Variants in TIAM1 observed in about 807,000 individuals in gnomAD.
The protein encoded by TIAM1 is rho guanine nucleotide exchange factor TIAM1.
A neutral mutation model predicts 163.5 loss-of-function variants in TIAM1; 65 were observed. That is an observed-to-expected ratio of 0.40 (90% CI 0.33 to 0.49). The LOEUF (loss-of-function observed/expected upper bound fraction) is 0.49. TIAM1 is among the 20% of genes least tolerant of loss of function. The pLI is 0.77. For synonymous variants in TIAM1, 833 were observed against 810.1 expected (o/e 1.03, Z -0.48); for missense variants, 1,789 against 2,044.7 (o/e 0.87, Z 2.41).
At chr21:31,491,002 G>C (rs536799836) in intron 1 of TIAM1, among the ~76,000 whole-genome samples, 1 of 152,220 alleles carries the variant, frequency 6.6e-6, no homozygotes, top group Non-Finnish European at 1.5e-5. Flanking sequence ...GTGCGTGCCT[G>C]TAATCCCAAC....
Position 31,252,082 on chromosome 21 carries a change from G to A in TIAM1, c.1071C>T (p.Tyr357=), listed in dbSNP as rs774197600. ...SRRSNATNSS[Y]SPTTGRAFVG... ...CAAAGGCCCGGCCTGTGGTGGGTGA[G>A]TAGCTGGAGTTGGTGGCATTAGATC... Residue 357 remains tyrosine, a synonymous_variant, in exon 5 of 28, where the codon TAC becomes TAT. Transcript: ENST00000541036. The A allele has an allele frequency of 9.3e-6, 15 of 1,613,916 alleles. No homozygotes were observed. The highest frequency in any genetic ancestry group is 1.3e-5 in the African/African-American group (1 of 74,952).
chr21:31,327,309 T>C (rs1301951178), intron 2 of TIAM1, among the ~76,000 whole-genome samples: 2 of 152,062 alleles, frequency 1.3e-5, no homozygotes, highest in Admixed American at 1.3e-4. Flanking sequence ...AGTACCCTTA[T>C]AGGATAAAAA....
intron 2 of TIAM1, among the ~76,000 whole-genome samples, chr21:31,385,758 C>T (rs576384014): frequency 4.8e-5 from 7 of 146,136 alleles, no homozygotes; most frequent in South Asian, 2.2e-4. Context: ...CTGTTTAAAA[C>T]GTAAATCTTA....
chr21:31,348,105 C>A (rs538633834), upstream of TIAM1, among the ~76,000 whole-genome samples: 653 of 150,106 alleles, frequency 4.4e-3, 3 homozygotes, highest in Middle Eastern at 0.011. Flanking sequence ...CACTCTCTCT[C>A]TCTATATATT....
intron 1 of TIAM1, among the ~76,000 whole-genome samples, chr21:31,497,311 T>A (rs1312992603): frequency 6.6e-6 from 1 of 152,260 alleles, no homozygotes; most frequent in East Asian, 1.9e-4. Context: ...TTCTTGCTAC[T>A]TTTCTGTAAG....
At chr21:31,177,665 G>GC (rs1342381988) in intron 15 of TIAM1, among the ~76,000 whole-genome samples, 2 of 152,148 alleles carry the variant, frequency 1.3e-5, no homozygotes, top group Admixed American at 1.3e-4. Flanking sequence ...TTGGTTCCAG[G>GC]CCCTAATCTT....
At chr21:31,136,927 T>C (rs2082643080) in intron 22 of TIAM1, among the ~76,000 whole-genome samples, 1 of 152,240 alleles carries the variant, frequency 6.6e-6, no homozygotes, top group Non-Finnish European at 1.5e-5. Flanking sequence ...AGTTTGAAGA[T>C]TCCTCTATTG....
At chr21:31,380,048 G>C (rs2076751237) in intron 2 of TIAM1, among the ~76,000 whole-genome samples, 1 of 152,150 alleles carries the variant, frequency 6.6e-6, no homozygotes, top group Admixed American at 6.6e-5. Context: ...CGGATCATTT[G>C]ACTCAGGAGT....
At chr21:31,287,927 G>T (rs1226332308) in intron 2 of TIAM1, among the ~76,000 whole-genome samples, 1 of 152,072 alleles carries the variant, frequency 6.6e-6, no homozygotes, top group Non-Finnish European at 1.5e-5. Context: ...GGCCCAACGG[G>T]GACAGTGAGT....
At chr21:31,514,234 T>C (rs1441722470) in intron 1 of TIAM1, among the ~76,000 whole-genome samples, 1 of 151,874 alleles carries the variant, frequency 6.6e-6, no homozygotes, top group African/African-American at 2.4e-5. Context: ...AAACCCAAGA[T>C]TAAAGAAAGT....
At position 31,169,314 on chromosome 21, in the gene TIAM1, A is replaced by C. The variant is rs144749861; in HGVS notation, c.2888-4249T>G. Reference sequence around the variant, plus strand: ...GTCTCAAATAATAATAATAATAATAATACTAAAACAGAAGAAGAAAGAGAT... The same window carrying C: ...GTCTCAAATAATAATAATAATAATACTACTAAAACAGAAGAAGAAAGAGAT... On this transcript the variant is annotated intron_variant, in intron 15 of 27. Transcript: ENST00000541036. Among the ~76,000 whole-genome samples the C allele has an allele frequency of 5.9e-4, 81 of 138,182 alleles. No individual in the cohort carries two copies. The East Asian group carries it at 0.014, about 24-fold the overall frequency. 90.7% of individuals were successfully genotyped at this position (138,182 alleles called of 152,430 possible).
intron 2 of TIAM1, among the ~76,000 whole-genome samples, chr21:31,400,168 C>A (rs2077141706): frequency 6.6e-6 from 1 of 151,886 alleles, no homozygotes; most frequent in South Asian, 2.1e-4. Context: ...AGCTCTGCCA[C>A]CCAGGCTAGA....
chr21:31,460,207 A>G (rs2147346945), intron 2 of TIAM1, among the ~76,000 whole-genome samples: 1 of 152,310 alleles, frequency 6.6e-6, no homozygotes, highest in East Asian at 1.9e-4. Context: ...CCCAGGCAGT[A>G]GTGGGTGGGT....
intron 1 of TIAM1, among the ~76,000 whole-genome samples, chr21:31,508,957 C>T (rs900750905): frequency 2.6e-5 from 4 of 152,108 alleles, no homozygotes; most frequent in African/African-American, 7.2e-5. Context: ...ACTCACCTGC[C>T]CCTCCCCCAT....
At position 31,223,420 on chromosome 21, in the gene TIAM1, A is replaced by T; in HGVS notation, c.1981T>A (p.Ser661Thr). Residue 661 changes from serine to threonine, a missense_variant, in exon 8 of 28, where the codon TCG becomes ACG. Physicochemically the swap from Ser to Thr is moderately conservative, Grantham distance 58. Coordinates refer to ENST00000541036, the MANE Select transcript of TIAM1 (RefSeq NM_001353694.2). ...MGRLGIFSVS[S>T]FHALVAARTG... ...CTTCTACTCACCAGGGCATGAAACG[A>T]TGATACCGAAAAGATTCCAAGGCGG... 6.2e-7 allele frequency: 1 copy of T among 1,612,184 alleles called. No homozygotes were observed. The highest frequency in any genetic ancestry group is 8.5e-7 in the Non-Finnish European group (1 of 1,178,962).
intron 22 of TIAM1, among the ~76,000 whole-genome samples, chr21:31,137,064 C>G (rs1281427002): frequency 6.6e-6 from 1 of 152,214 alleles, no homozygotes; most frequent in African/African-American, 2.4e-5. Context: ...ACACGATGAT[C>G]CAGAGAGTCT....
chr21:31,139,626 T>C (rs187952870), intron 22 of TIAM1, among the ~76,000 whole-genome samples: 80 of 152,352 alleles, frequency 5.3e-4, no homozygotes, highest in Non-Finnish European at 9.7e-4. Context: ...TTTTTTCTTC[T>C]TATAAAGTTT....
chr21:31,556,299 A>G (rs748803729), intron 1 of TIAM1, among the ~76,000 whole-genome samples: 1 of 152,216 alleles, frequency 6.6e-6, no homozygotes, highest in Non-Finnish European at 1.5e-5. Flanking sequence ...CAACAGCCGA[A>G]TAGGGGTTCA....
chr21:31,541,670 A>G (rs770493149), intron 1 of TIAM1, among the ~76,000 whole-genome samples: 5 of 152,168 alleles, frequency 3.3e-5, no homozygotes, highest in Non-Finnish European at 7.3e-5. Flanking sequence ...GAAACAAAAT[A>G]CAAAGCTGTA....
Sources: gnomAD v4.1 joint callset for allele counts (sites outside exome capture counted in the v4.1 genomes callset) on GRCh38, gnomAD v4.1.1 for gene constraint, MANE v1.5 for transcripts, NCBI Gene and HGNC (gene_info 2026-07-23, HGNC 2026-07-21) for gene names.